Variants in ARAP2 observed in about 807,000 individuals in gnomAD.
ARAP2 encodes ArfGAP with RhoGAP domain, ankyrin repeat and PH domain 2.
Under a neutral mutation model 194.5 loss-of-function variants are expected in ARAP2, and 148 were observed. The observed-to-expected ratio is 0.76, with a 90% confidence interval of 0.67 to 0.87. The LOEUF is 0.87. ARAP2 is among the 40% of genes least tolerant of loss of function. ARAP2 has a pLI of 0.00. For missense variants in ARAP2, 2,128 were observed against 1,989.7 expected, an observed-to-expected ratio of 1.07 and a Z score of -1.32; for synonymous variants, 695 against 683.5, an observed-to-expected ratio of 1.02 and a Z score of -0.26.
intron 6 of ARAP2, among the ~76,000 whole-genome samples, chr4:36,203,729 C>T (rs1198225774): frequency 2.6e-5 from 4 of 152,074 alleles, no homozygotes; most frequent in African/African-American, 9.7e-5. Context: ...GATCGTCTTA[C>T]AAGAAACAAA....
chr4:36,148,649 G>T (rs1730222466), intron 16 of ARAP2, 142 bp from the exon 17 acceptor site: 1 of 640,014 alleles, frequency 1.6e-6, no homozygotes, highest in East Asian at 2.9e-5. Context: ...TCTGTTAATG[G>T]TTTGCATTTT....
At chr4:36,085,326 G>A (rs918567642) in intron 28 of ARAP2, among the ~76,000 whole-genome samples, 1 of 151,864 alleles carries the variant, frequency 6.6e-6, no homozygotes, top group African/African-American at 2.4e-5. Flanking sequence ...CAGCTTTAAG[G>A]GTTGCTTTTT....
intron 8 of ARAP2, among the ~76,000 whole-genome samples, chr4:36,014,619 T>C (rs1715447812): frequency 6.6e-6 from 1 of 152,224 alleles, no homozygotes; most frequent in African/African-American, 2.4e-5. Flanking sequence ...AGCTTTTCTA[T>C]ACGTCAGCAA....
chr4:36,210,957 T>A (rs1446486569), intron 5 of ARAP2, among the ~76,000 whole-genome samples: 1 of 152,058 alleles, frequency 6.6e-6, no homozygotes, highest in East Asian at 1.9e-4. Context: ...CTACTACAAG[T>A]TTTTTCTTAG....
intron 7 of ARAP2, among the ~76,000 whole-genome samples, chr4:36,189,190 T>A (rs1252832098): frequency 5.3e-5 from 8 of 152,172 alleles, no homozygotes; most frequent in Admixed American, 4.6e-4. Flanking sequence ...AGTAAACAAC[T>A]TATTTCTTCT....
Position 36,160,597 on chromosome 4 carries a change from A to T in ARAP2, c.2304T>A (p.Ala768=). 1 of 1,506,008 alleles carries T rather than the reference A, an allele frequency of 6.6e-7. No individual in the cohort carries two copies. Among genetic ancestry groups the T allele is most frequent in the African/African-American group, 1.5e-5 (1 of 68,596 alleles). 93.3% of individuals were successfully genotyped at this position (1,506,008 alleles called of 1,614,324 possible). A position where few individuals can be genotyped will look rare whatever the true frequency, so the allele number is the denominator to read the frequency against. Residue 768 remains alanine (A), a synonymous_variant, in exon 13 of 33, where the codon GCT becomes GCA. Transcript: ENST00000303965. ...ATTCTTCATCCTTTTGAAGATTACCAGCCCAAAAGTCATTTGCTCTTTTGT... is the reference window on the plus strand; with the variant it reads ...ATTCTTCATCCTTTTGAAGATTACCTGCCCAAAAGTCATTTGCTCTTTTGT... ...IGNKRANDFW[A]GNLQKDEELH... is the part of the protein sequence containing the mutation.
chr4:36,159,413 G>T lies in ARAP2; in HGVS notation c.2535C>A (p.Pro845=). Residue 845 remains proline (P), a synonymous_variant, in exon 14 of 33, where the codon CCC becomes CCA. Coordinates refer to ENST00000303965, the MANE Select transcript of ARAP2 (RefSeq NM_015230.4). ...GADVMCATGD[P]VHSTPYLLAK... is the part of the protein sequence containing the mutation. The stretch of plus-strand genomic sequence containing the variant: ...CTAGCAGATAGGGGGTGCTATGCAC[G>T]GGGTCTCCGGTGGCACACATGACAT... 2 of 1,611,934 alleles carry T rather than the reference G, an allele frequency of 1.2e-6. No individual in the cohort carries two copies. Among genetic ancestry groups the T allele is most frequent in the South Asian group, 1.1e-5 (1 of 90,864 alleles).
At chr4:36,055,507 T>C (rs1303341825) in intron 2 of ARAP2, among the ~76,000 whole-genome samples, 1 of 152,216 alleles carries the variant, frequency 6.6e-6, no homozygotes, top group East Asian at 1.9e-4. Flanking sequence ...AGTCTCATAG[T>C]GTGGGAAGTG....
chr4:36,231,765 C>A (rs1026131328), intron 1 of ARAP2, among the ~76,000 whole-genome samples: 7 of 152,086 alleles, frequency 4.6e-5, no homozygotes, highest in African/African-American at 1.4e-4. Flanking sequence ...ACTGTATTCC[C>A]AAGTCCACCT....
intron 8 of ARAP2, among the ~76,000 whole-genome samples, chr4:36,013,431 C>T (rs1714923025): frequency 6.6e-6 from 1 of 152,280 alleles, no homozygotes; most frequent in Middle Eastern, 3.4e-3. Flanking sequence ...GTGGTTTCAA[C>T]ATTTTTACCA....
At chr4:36,100,074 C>A (rs74440373) in intron 27 of ARAP2, among the ~76,000 whole-genome samples, 3 of 151,944 alleles carry the variant, frequency 2.0e-5, no homozygotes, top group African/African-American at 4.8e-5. Context: ...GGATATGGAG[C>A]GATCTTGACT....
chr4:36,041,735 G>A (rs1720901349), intron 5 of ARAP2, among the ~76,000 whole-genome samples: 1 of 152,144 alleles, frequency 6.6e-6, no homozygotes, highest in African/African-American at 2.4e-5. Flanking sequence ...AATGTTCATT[G>A]CATCACTATT....
At chr4:36,110,288 G>A (rs1719584689) in intron 26 of ARAP2, among the ~76,000 whole-genome samples, 1 of 151,876 alleles carries the variant, frequency 6.6e-6, no homozygotes, top group Non-Finnish European at 1.5e-5. Flanking sequence ...CACATAATCA[G>A]AAGATAACAG....
intron 1 of ARAP2, among the ~76,000 whole-genome samples, chr4:36,060,267 T>C (rs976198591): frequency 3.3e-5 from 5 of 152,164 alleles, no homozygotes; most frequent in Admixed American, 6.6e-5. Context: ...TTATGAAAGA[T>C]AGGGCATCGT....
chr4:36,113,397 C>A (rs1287430121), intron 26 of ARAP2, among the ~76,000 whole-genome samples: 1 of 151,882 alleles, frequency 6.6e-6, no homozygotes, highest in Admixed American at 6.6e-5. Flanking sequence ...ACTGACAATC[C>A]CGTTTCATTT....
intron 28 of ARAP2, among the ~76,000 whole-genome samples, chr4:36,084,690 T>C (rs1730406905): frequency 6.6e-6 from 1 of 152,026 alleles, no homozygotes; most frequent in South Asian, 2.1e-4. Context: ...TAAAAATTAG[T>C]TTCATAAAGC....
chr4:36,057,398 T>A (rs185079954), intron 2 of ARAP2, among the ~76,000 whole-genome samples: 1 of 152,020 alleles, frequency 6.6e-6, no homozygotes, highest in East Asian at 1.9e-4. Context: ...ATATTGAATC[T>A]ATTGGTATAA....
chr4:36,063,546 A>G (rs1724824610), downstream of ARAP2, among the ~76,000 whole-genome samples: 1 of 152,020 alleles, frequency 6.6e-6, no homozygotes, highest in Non-Finnish European at 1.5e-5. Context: ...TCTGACTAGT[A>G]TCCAAATTTC....
intron 11 of ARAP2, among the ~76,000 whole-genome samples, chr4:36,163,709 A>C (rs375008182): frequency 6.6e-6 from 1 of 152,214 alleles, no homozygotes; most frequent in Non-Finnish European, 1.5e-5. Flanking sequence ...AAATACTTAC[A>C]TAAGAGAGTG....
Sources: gnomAD v4.1 joint callset for allele counts (sites outside exome capture counted in the v4.1 genomes callset) on GRCh38, gnomAD v4.1.1 for gene constraint, MANE v1.5 for transcripts, NCBI Gene and HGNC (gene_info 2026-07-23, HGNC 2026-07-21) for gene names.